ZCWPW2: variants seen among roughly 807,000 people sequenced by gnomAD.
ZCWPW2 encodes zinc finger CW-type and PWWP domain containing 2.
Under a neutral mutation model 46.6 loss-of-function variants are expected in ZCWPW2, and 45 were observed. The ratio of observed to expected loss-of-function variants is 0.96; its 90% confidence interval spans 0.76 to 1.24. ZCWPW2 has a LOEUF of 1.24. Ranked by LOEUF, ZCWPW2 falls within the 50% of genes most tolerant of loss-of-function variation. The pLI is 0.00. For missense variants in ZCWPW2, 429 were observed against 403.9 expected, an observed-to-expected ratio of 1.06 and a Z score of -0.53; for synonymous variants, 152 against 137.1, an observed-to-expected ratio of 1.11 and a Z score of -0.76.
rs562224611 is a variant in ZCWPW2, at chr3:28,460,217, A to G, written c.493-18597A>G. On this transcript the variant is annotated intron_variant, in intron 4 of 9. Coordinates refer to ENST00000383768, the MANE Select transcript of ZCWPW2 (RefSeq NM_001040432.4). The stretch of plus-strand genomic sequence containing the variant: ...ATTGCATTCTTGGCATTATCTGTCA[A>G]TCTGATGTAAGGGGTCACACTAAAC... Among the ~76,000 whole-genome samples the G allele has an allele frequency of 6.1e-5, 9 of 147,020 alleles. No individual in the cohort carries two copies. In the East Asian group the frequency reaches 9.8e-4, roughly 16 times the overall value.
intron 5 of ZCWPW2, 66 bp downstream of exon 5, chr3:28,478,997 T>C: frequency 9.6e-7 from 1 of 1,044,808 alleles, no homozygotes; most frequent in Non-Finnish European, 1.4e-6. Flanking sequence ...TTTTCCAAAA[T>C]ATGTTTGCTC....
At chr3:28,489,859 G>A (rs1356889864) in intron 5 of ZCWPW2, among the ~76,000 whole-genome samples, 2 of 152,010 alleles carry the variant, frequency 1.3e-5, no homozygotes, top group East Asian at 3.9e-4. Flanking sequence ...CTAATTAAAT[G>A]AAAGAGCTTT....
chr3:28,369,424 C>T (rs1217511576), intron 1 of ZCWPW2, among the ~76,000 whole-genome samples: 1 of 152,200 alleles, frequency 6.6e-6, no homozygotes, highest in Non-Finnish European at 1.5e-5. Flanking sequence ...AGGTCCACTC[C>T]AGACCCTTTT....
chr3:28,358,509 G>T (rs559463607), intron 1 of ZCWPW2, among the ~76,000 whole-genome samples: 1 of 152,240 alleles, frequency 6.6e-6, no homozygotes, highest in African/African-American at 2.4e-5. Context: ...ACATCAGTTT[G>T]AAAATTATGA....
chr3:28,400,830 A>G (rs576635441), intron 2 of ZCWPW2, among the ~76,000 whole-genome samples: 1 of 152,334 alleles, frequency 6.6e-6, no homozygotes, highest in East Asian at 1.9e-4. Context: ...ACATCAAAAC[A>G]AAACCTCTTT....
Position 28,390,491 on chromosome 3 carries a change from T to C in ZCWPW2, c.-133-7T>C. 1.0e-6 allele frequency: 1 copy of C among 985,338 alleles called. No individual in the cohort carries two copies. The highest frequency in any genetic ancestry group is 1.2e-6 in the Non-Finnish European group (1 of 829,854). 61.0% of individuals were successfully genotyped at this position (985,338 alleles called of 1,614,324 possible). On this transcript the variant is annotated splice_region_variant and splice_polypyrimidine_tract_variant and intron_variant, in intron 1 of 9. Transcript: ENST00000383768. ...AAATTTGCTAGATTGATGTATAACTTCTTCAGATTCATCCCAGTAGAACGC... is the reference window on the plus strand; with the variant it reads ...AAATTTGCTAGATTGATGTATAACTCCTTCAGATTCATCCCAGTAGAACGC...
intron 1 of ZCWPW2, among the ~76,000 whole-genome samples, chr3:28,389,208 C>A (rs1004603417): frequency 6.6e-6 from 1 of 152,098 alleles, no homozygotes; most frequent in Non-Finnish European, 1.5e-5. Flanking sequence ...TAGTGATACT[C>A]CCATTGCCAC....
chr3:28,449,618 A>G (rs779130785), intron 4 of ZCWPW2, among the ~76,000 whole-genome samples: 1 of 152,210 alleles, frequency 6.6e-6, no homozygotes, highest in Non-Finnish European at 1.5e-5. Context: ...ATTGCACAAC[A>G]TTATAAATGT....
chr3:28,385,003 ATTTATG>A (rs1327086234), intron 1 of ZCWPW2, among the ~76,000 whole-genome samples: 1 of 152,246 alleles, frequency 6.6e-6, no homozygotes, highest in Non-Finnish European at 1.5e-5. Context: ...TCAGTCTAGA[ATTTATG>A]TTTATAAGTG....
chr3:28,377,792 T>G (rs1165582702), intron 1 of ZCWPW2, among the ~76,000 whole-genome samples: 1 of 152,108 alleles, frequency 6.6e-6, no homozygotes, highest in African/African-American at 2.4e-5. Context: ...CTTAATATGC[T>G]GAATAAAATT....
intron 4 of ZCWPW2, among the ~76,000 whole-genome samples, chr3:28,460,622 A>G (rs1219996897): frequency 6.6e-6 from 1 of 152,212 alleles, no homozygotes; most frequent in Non-Finnish European, 1.5e-5. Context: ...TCCAGTTTGT[A>G]TCAAAGGAAC....
chr3:28,368,730 C>T (rs752045302), intron 1 of ZCWPW2, among the ~76,000 whole-genome samples: 11 of 152,194 alleles, frequency 7.2e-5, no homozygotes, highest in Non-Finnish European at 1.6e-4. Flanking sequence ...GGGAAGTTCT[C>T]CTGGATAATA....
rs1045489026 is a variant in ZCWPW2, at chr3:28,525,869, T to C, written c.*1181T>C. On this transcript the variant is annotated 3_prime_UTR_variant, in exon 10 of 10. Coordinates refer to ENST00000383768, the MANE Select transcript of ZCWPW2 (RefSeq NM_001040432.4). Reference sequence around the variant, plus strand: ...TCATGTATTCCTTAGCATTCTGATATTGTGTCATAGGATGTTGAGTTGTAA... The same window carrying C: ...TCATGTATTCCTTAGCATTCTGATACTGTGTCATAGGATGTTGAGTTGTAA... Among the ~76,000 whole-genome samples the C allele has an allele frequency of 1.3e-5, 2 of 152,184 alleles. No homozygotes were observed. Among genetic ancestry groups the C allele is most frequent in the East Asian group, 1.9e-4 (1 of 5,204 alleles).
At chr3:28,349,229 C>G (rs1337132021) in intron 1 of ZCWPW2, 26 bp downstream of exon 1, 13 of 984,204 alleles carry the variant, frequency 1.3e-5, no homozygotes, top group Admixed American at 6.1e-5. Flanking sequence ...GCCGTCTTGT[C>G]TGTTGGGCCG....
At chr3:28,377,693 A>AT (rs1191283759) in intron 1 of ZCWPW2, among the ~76,000 whole-genome samples, 1 of 151,992 alleles carries the variant, frequency 6.6e-6, no homozygotes, top group Non-Finnish European at 1.5e-5. Flanking sequence ...TATCCATATA[A>AT]TTTTTTATTT....
chr3:28,417,057 CTT>C (rs762824707), intron 3 of ZCWPW2, among the ~76,000 whole-genome samples: 18 of 124,654 alleles, frequency 1.4e-4, no homozygotes, highest in Non-Finnish European at 1.6e-4. Flanking sequence ...GATTCCCTCT[CTT>C]TTTTTTTTTT....
intron 5 of ZCWPW2, among the ~76,000 whole-genome samples, chr3:28,484,322 T>C (rs1318371748): frequency 6.6e-6 from 1 of 152,170 alleles, no homozygotes; most frequent in Non-Finnish European, 1.5e-5. Flanking sequence ...CTTTCTCTGC[T>C]TATATCTTCT....
At chr3:28,394,356 A>T (rs1695612160) in intron 2 of ZCWPW2, among the ~76,000 whole-genome samples, 1 of 152,178 alleles carries the variant, frequency 6.6e-6, no homozygotes, top group Non-Finnish European at 1.5e-5. Context: ...AAAACAATCT[A>T]CAGATTCAAT....
chr3:28,507,961 T>A (rs1700322067), intron 6 of ZCWPW2, among the ~76,000 whole-genome samples: 1 of 152,182 alleles, frequency 6.6e-6, no homozygotes, highest in African/African-American at 2.4e-5. Context: ...TTAGTTCATT[T>A]AGTGTTGCTA....
Sources: allele counts gnomAD v4.1 joint callset (sites outside exome capture counted in the v4.1 genomes callset), GRCh38; gene constraint gnomAD v4.1.1; transcripts MANE v1.5; gene names NCBI Gene and HGNC (gene_info 2026-07-23, HGNC 2026-07-21).